The following BTBD9 variants were observed in gnomAD, a reference collection of about 807,000 sequenced individuals.
The protein encoded by BTBD9 is BTB domain containing 9.
Under a neutral mutation model 64.3 loss-of-function variants are expected in BTBD9, and 49 were observed. That is an observed-to-expected ratio of 0.76 (90% CI 0.61 to 0.97). The LOEUF is 0.97. Among genes scored for constraint, BTBD9 ranks in the 50% least tolerant of loss-of-function variants. The pLI, the probability that BTBD9 is intolerant of heterozygous loss-of-function variation, is 0.00. For missense variants in BTBD9, 598 were observed against 762.1 expected, an observed-to-expected ratio of 0.78 and a Z score of 2.53; for synonymous variants, 260 against 274.7, an observed-to-expected ratio of 0.95 and a Z score of 0.53.
At chr6:38,277,495 G>A (rs1385551474) in intron 8 of BTBD9, among the ~76,000 whole-genome samples, 1 of 151,890 alleles carries the variant, frequency 6.6e-6, no homozygotes, top group Non-Finnish European at 1.5e-5. Flanking sequence ...CACCACGCCT[G>A]GCTAATTTTT....
intron 9 of BTBD9, among the ~76,000 whole-genome samples, chr6:38,231,336 A>G (rs544853511): frequency 1.3e-5 from 2 of 152,322 alleles, no homozygotes; most frequent in South Asian, 2.1e-4. Flanking sequence ...ACCATGCACT[A>G]TGAGAGACCT....
intron 6 of BTBD9, among the ~76,000 whole-genome samples, chr6:38,536,772 T>C (rs759349228): frequency 1.3e-5 from 2 of 151,994 alleles, no homozygotes; most frequent in African/African-American, 4.8e-5. Flanking sequence ...ATGAAAACAA[T>C]TGAACTCGTG....
In BTBD9 at chr6:38,437,492, CAT is replaced by C. The variant is rs377390479; in HGVS notation, c.1155-92401_1155-92400del. 5.8e-3 allele frequency among the ~76,000 whole-genome samples: 879 copies of C among 152,258 alleles called. 8 individuals carry two copies. The highest frequency in any genetic ancestry group is 0.02 in the African/African-American group (833 of 41,532). ...TTACTTCTATTCACTGAAAAGAAGA[CAT>C]GTGAAAATAATATATGTCTTTTTCT... is the stretch of plus-strand genomic sequence containing the variant. On this transcript the variant is annotated intron_variant, in intron 6 of 10. Coordinates refer to ENST00000481247, the MANE Select transcript of BTBD9 (RefSeq NM_001099272.2).
chr6:38,574,142 A>G (rs1775921420), intron 6 of BTBD9, among the ~76,000 whole-genome samples: 1 of 152,196 alleles, frequency 6.6e-6, no homozygotes, highest in Non-Finnish European at 1.5e-5. Flanking sequence ...CATTCCTAAA[A>G]TGAGTCCAGA....
chr6:38,318,804 T>C (rs1763123298), intron 7 of BTBD9, among the ~76,000 whole-genome samples: 1 of 152,188 alleles, frequency 6.6e-6, no homozygotes, highest in Non-Finnish European at 1.5e-5. Context: ...CCTAGGGCTC[T>C]ACAATCAGCA....
Position 38,324,591 on chromosome 6 carries a change from A to G in BTBD9, c.1264+20393T>C, listed in dbSNP as rs1582231087. On this transcript the variant is annotated intron_variant, in intron 7 of 10. Transcript: ENST00000481247. ...AGGTGATGGTAGCTTGTACTAGGGT[A>G]ACAGCAGTAGTGGTGGTGAGAAACT... 2.0e-5 allele frequency among the ~76,000 whole-genome samples: 3 copies of G among 152,192 alleles called. 1 individual carries two copies. In the South Asian group the frequency reaches 6.2e-4, roughly 32 times the overall value.
Position 38,391,105 on chromosome 6 carries a change from C to T in BTBD9, c.1155-46012G>A, listed in dbSNP as rs547437147. Among the ~76,000 whole-genome samples the T allele has an allele frequency of 2.0e-5, 3 of 152,316 alleles. No homozygotes were observed. The East Asian group carries it at 5.8e-4, about 29-fold the overall frequency. On this transcript the variant is annotated intron_variant, in intron 6 of 10. Transcript: ENST00000481247. ...CTTACTCATTCATTCAGTCAGTTTACTCAAATATTTACTGAATATCTAAGT... is the reference window on the plus strand; with the variant it reads ...CTTACTCATTCATTCAGTCAGTTTATTCAAATATTTACTGAATATCTAAGT...
At chr6:38,549,505 G>A (rs918829774) in intron 6 of BTBD9, among the ~76,000 whole-genome samples, 3 of 151,978 alleles carry the variant, frequency 2.0e-5, no homozygotes, top group African/African-American at 7.3e-5. Flanking sequence ...CAAGAAGAAA[G>A]TAAGATTTCA....
At chr6:38,190,041 G>C in intron 10 of BTBD9, among the ~76,000 whole-genome samples, 1 of 151,256 alleles carries the variant, frequency 6.6e-6, no homozygotes, top group East Asian at 1.9e-4. Flanking sequence ...TGAACTCCTG[G>C]GCTCAAGCGA....
At chr6:38,192,042 C>G (rs10807192) in intron 10 of BTBD9, among the ~76,000 whole-genome samples, 2 of 152,046 alleles carry the variant, frequency 1.3e-5, no homozygotes, top group Non-Finnish European at 1.5e-5. Context: ...TGTTGCATTT[C>G]GACCCATCAT....
intron 6 of BTBD9, among the ~76,000 whole-genome samples, chr6:38,364,408 A>G (rs1765106767): frequency 6.6e-6 from 1 of 152,222 alleles, no homozygotes; most frequent in Non-Finnish European, 1.5e-5. Context: ...TTTTATATGA[A>G]CACAAAAACA....
intron 7 of BTBD9, among the ~76,000 whole-genome samples, chr6:38,321,696 T>C (rs1763238714): frequency 6.6e-6 from 1 of 152,174 alleles, no homozygotes; most frequent in Non-Finnish European, 1.5e-5. Flanking sequence ...TGATTATTAC[T>C]TTTCATACCA....
At chr6:38,437,966 G>A (rs1258353126) in intron 6 of BTBD9, among the ~76,000 whole-genome samples, 1 of 151,866 alleles carries the variant, frequency 6.6e-6, no homozygotes, top group Non-Finnish European at 1.5e-5. Context: ...TCTTTTCAAG[G>A]TCACATAGAG....
rs1045901968 is a variant in BTBD9, at chr6:38,432,592, T to C, written c.1155-87499A>G. The stretch of plus-strand genomic sequence containing the variant: ...TTTGTGAATTCTCCAACTGATCCTA[T>C]AGATAACACCACTATTGTAGAACCT... On this transcript the variant is annotated intron_variant, in intron 6 of 10. Coordinates refer to ENST00000481247, the MANE Select transcript of BTBD9 (RefSeq NM_001099272.2). 2.8e-4 allele frequency among the ~76,000 whole-genome samples: 42 copies of C among 152,064 alleles called. 1 individual carries two copies. Among genetic ancestry groups the C allele is most frequent in the African/African-American group, 9.7e-4 (40 of 41,326 alleles).
At chr6:38,187,510 A>G (rs1486745550) in intron 10 of BTBD9, among the ~76,000 whole-genome samples, 1 of 152,172 alleles carries the variant, frequency 6.6e-6, no homozygotes, top group Non-Finnish European at 1.5e-5. Flanking sequence ...GGAGGAAGAC[A>G]AAGGAGTCGG....
intron 10 of BTBD9, among the ~76,000 whole-genome samples, chr6:38,191,476 T>C (rs78638931): frequency 2.4e-3 from 372 of 152,260 alleles, no homozygotes; most frequent in Non-Finnish European, 4.4e-3. Context: ...GTCACGCTGG[T>C]TATTATTTGC....
chr6:38,219,136 T>C (rs867341990), intron 9 of BTBD9, among the ~76,000 whole-genome samples: 25,285 of 127,928 alleles, frequency 0.2, 2,098 homozygotes, highest in East Asian at 0.46. Context: ...TTTCTTTTTT[T>C]TTTTTTTTTT....
chr6:38,369,174 C>T (rs1765314451), intron 6 of BTBD9, among the ~76,000 whole-genome samples: 1 of 152,162 alleles, frequency 6.6e-6, no homozygotes, highest in South Asian at 2.1e-4. Flanking sequence ...TAGTTCAGGG[C>T]TTGTCATCTC....
chr6:38,433,004 C>A (rs1768511008), intron 6 of BTBD9, among the ~76,000 whole-genome samples: 1 of 151,942 alleles, frequency 6.6e-6, no homozygotes, highest in Non-Finnish European at 1.5e-5. Context: ...TTATAAATTA[C>A]CCAGTCTCAG....
Sources: gnomAD v4.1 joint callset for allele counts (sites outside exome capture counted in the v4.1 genomes callset) on GRCh38, gnomAD v4.1.1 for gene constraint, MANE v1.5 for transcripts, NCBI Gene and HGNC (gene_info 2026-07-23, HGNC 2026-07-21) for gene names.